ACSL4: variants seen among roughly 807,000 people sequenced by gnomAD.
The protein encoded by ACSL4 is acyl-CoA synthetase long chain family member 4.
In ACSL4, 9 loss-of-function variants were observed where a neutral mutation model predicts 49.1. The observed-to-expected ratio is 0.18, with a 90% CI of 0.11 to 0.32. The LOEUF (loss-of-function observed/expected upper bound fraction) is 0.32. Ranked by LOEUF, ACSL4 falls within the 10% of genes least tolerant of loss-of-function variation. The pLI is 1.00. For synonymous variants in ACSL4, 191 were observed against 170.3 expected (o/e 1.12, Z -0.95); for missense variants, 333 against 493.7 (o/e 0.67, Z 3.08).
At chrX:109,653,626 T>TA (rs1187124722) in intron 15 of ACSL4, among the ~76,000 whole-genome samples, 8 of 110,450 alleles carry the variant, frequency 7.2e-5, no homozygotes, top group Admixed American at 6.7e-4. Context: ...TATGCAGCCA[T>TA]AAAAAATGAT....
intron 1 of ACSL4, among the ~76,000 whole-genome samples, chrX:109,731,246 T>C (rs1007431709): frequency 9.0e-6 from 1 of 110,789 alleles, no homozygotes; most frequent in African/African-American, 3.3e-5. Context: ...TGTGTGTGTA[T>C]ACCTATATAT....
At chrX:109,683,087 ATG>A in intron 3 of ACSL4, 47 bp downstream of exon 3, 2 of 1,156,664 alleles carry the variant, frequency 1.7e-6, no homozygotes, top group East Asian at 3.0e-5. Context: ...GATAAAACAA[ATG>A]TGTCTTCCTC....
At chrX:109,719,553 T>C (rs1390640036) in intron 1 of ACSL4, among the ~76,000 whole-genome samples, 1 of 112,421 alleles carries the variant, frequency 8.9e-6, no homozygotes, top group Non-Finnish European at 1.9e-5. Context: ...GGAACTCCAT[T>C]TCAAAACAGG....
At chrX:109,693,100 G>C (rs1255365282) in intron 2 of ACSL4, among the ~76,000 whole-genome samples, 3 of 111,314 alleles carry the variant, frequency 2.7e-5, no homozygotes, top group African/African-American at 9.8e-5. Flanking sequence ...TGCCAGAGGA[G>C]GAACCAGCTT....
intron 2 of ACSL4, among the ~76,000 whole-genome samples, chrX:109,689,147 C>G (rs1417598391): frequency 1.8e-5 from 2 of 111,268 alleles, no homozygotes; most frequent in East Asian, 5.6e-4. Context: ...CCCTTTTACC[C>G]CCCTCTCTTT....
intron 15 of ACSL4, among the ~76,000 whole-genome samples, chrX:109,647,807 A>C (rs765382228): frequency 9.0e-6 from 1 of 111,177 alleles, no homozygotes; most frequent in East Asian, 2.8e-4. Context: ...AGAGAGAAGA[A>C]TCAAATAGAC....
intron 1 of ACSL4, among the ~76,000 whole-genome samples, chrX:109,719,369 T>C (rs992261932): frequency 9.0e-6 from 1 of 111,632 alleles, no homozygotes; most frequent in African/African-American, 3.3e-5. Context: ...GTTATGCCTA[T>C]GGCAGCTTAA....
rs1353786798 is a variant in ACSL4, at chrX:109,678,322, T to C, written c.749A>G (p.His250Arg). Residue 250 changes from histidine to arginine, a missense_variant, in exon 7 of 16, where the codon CAT (histidine) becomes CGT (arginine). Physicochemically the swap from His to Arg is conservative, Grantham distance 29. Coordinates refer to ENST00000672401, the MANE Select transcript of ACSL4 (RefSeq NM_001318510.2). ...STGRPKGVMM[H>R]HSNLIAGMTG... ...CATTCCAGCTATCAAATTGCTATGA[T>C]GCATCATCACTCCCTTAGGTCGGCC... 3 of 1,211,898 alleles carry C rather than the reference T, an allele frequency of 2.5e-6. No individual in the cohort carries two copies. Among genetic ancestry groups the C allele is most frequent in the Admixed American group, 4.3e-5 (2 of 46,054 alleles).
At chrX:109,670,395 G>A (rs1393006050) in intron 9 of ACSL4, among the ~76,000 whole-genome samples, 1 of 109,512 alleles carries the variant, frequency 9.1e-6, no homozygotes, top group African/African-American at 3.3e-5. Context: ...GATCAGCCTG[G>A]CCAAGATGGT....
At chrX:109,662,130 AC>A (rs1278018916) in intron 13 of ACSL4, among the ~76,000 whole-genome samples, 1 of 111,197 alleles carries the variant, frequency 9.0e-6, no homozygotes, top group Non-Finnish European at 1.9e-5. Context: ...CACATTTAAC[AC>A]ATGTTAATTC....
At chrX:109,676,028 T>C (rs2147429996) in intron 8 of ACSL4, among the ~76,000 whole-genome samples, 1 of 111,560 alleles carries the variant, frequency 9.0e-6, no homozygotes, top group South Asian at 3.8e-4. Context: ...ACAGAATGCG[T>C]TCTCACAGAA....
In ACSL4 at chrX:109,713,060, G is replaced by A. The variant is rs1017883079; in HGVS notation, c.-65-16864C>T. 9.3e-5 allele frequency among the ~76,000 whole-genome samples: 10 copies of A among 107,466 alleles called. No homozygotes were observed. The Admixed American group carries it at 9.9e-4, about 11-fold the overall frequency. 93.3% of individuals were successfully genotyped at this position (107,466 alleles called of 115,157 possible). On this transcript the variant is annotated intron_variant, in intron 1 of 15. Coordinates refer to ENST00000672401, the MANE Select transcript of ACSL4 (RefSeq NM_001318510.2). Reference sequence around the variant, plus strand: ...GGAGAGAGGAAGGAAGGGAGGGAAGGAGGGATGAAGGGAAGAAGGGAAGAA... The same window carrying A: ...GGAGAGAGGAAGGAAGGGAGGGAAGAAGGGATGAAGGGAAGAAGGGAAGAA...
chrX:109,701,763 T>C (rs1239351899), intron 1 of ACSL4, among the ~76,000 whole-genome samples: 17 of 96,672 alleles, frequency 1.8e-4, no homozygotes, highest in South Asian at 5.3e-4. Context: ...CCAGGGTGGT[T>C]TCGATCTCCT....
chrX:109,645,172 A>G (rs1239018737), intron 15 of ACSL4, among the ~76,000 whole-genome samples: 1 of 113,209 alleles, frequency 8.8e-6, no homozygotes, highest in African/African-American at 3.2e-5. Flanking sequence ...AGCCCACCAC[A>G]GCTCAAGGAG....
chrX:109,668,246 C>A lies in ACSL4; in HGVS notation c.1170G>T (p.Leu390=). Residue 390 remains leucine, a synonymous_variant, in exon 11 of 16, where the codon CTG becomes CTT. Coordinates refer to ENST00000672401, the MANE Select transcript of ACSL4 (RefSeq NM_001318510.2). ...GCATCATGCGGACATTCCCTCCCAG[C>A]AGGGCCTTGACCTTTTTAAACAGTA... ...NLLLFKKVKA[L]LGGNVRMMLS... The A allele has an allele frequency of 8.3e-7, 1 of 1,206,720 alleles. No individual in the cohort carries two copies. Among genetic ancestry groups the A allele is most frequent in the South Asian group, 1.8e-5 (1 of 56,333 alleles).
At chrX:109,660,873 AG>A (rs1313131324) in intron 14 of ACSL4, among the ~76,000 whole-genome samples, 1 of 110,906 alleles carries the variant, frequency 9.0e-6, no homozygotes, top group East Asian at 2.8e-4. Flanking sequence ...TGAGATTTCT[AG>A]AGAAGTCAAA....
At chrX:109,677,501 G>A (rs774076719) in intron 8 of ACSL4, among the ~76,000 whole-genome samples, 1 of 111,112 alleles carries the variant, frequency 9.0e-6, no homozygotes, top group Non-Finnish European at 1.9e-5. Context: ...TTTTAAGGCT[G>A]GGCACAGTGG....
chrX:109,657,309 C>T (rs1006484233), intron 15 of ACSL4, among the ~76,000 whole-genome samples: 5 of 111,140 alleles, frequency 4.5e-5, no homozygotes, highest in Non-Finnish European at 1.9e-5. Flanking sequence ...TGGTGTGCTG[C>T]ACCCATTAAT....
intron 1 of ACSL4, among the ~76,000 whole-genome samples, chrX:109,726,372 G>A (rs908044427): frequency 1.8e-5 from 2 of 112,197 alleles, no homozygotes; most frequent in Admixed American, 9.4e-5. Flanking sequence ...GCAGTGAGCC[G>A]AGATTGCACC....
Sources: allele counts gnomAD v4.1 joint callset (sites outside exome capture counted in the v4.1 genomes callset), GRCh38; gene constraint gnomAD v4.1.1; transcripts MANE v1.5; gene names NCBI Gene and HGNC (gene_info 2026-07-23, HGNC 2026-07-21).